The following TENT4B variants were observed in gnomAD, a reference collection of about 807,000 sequenced individuals.
TENT4B encodes the protein PAP associated domain containing 5.
TENT4B carries 10 observed loss-of-function variants against 75.0 expected under a neutral mutation model. The observed-to-expected ratio is 0.13, with a 90% CI of 0.08 to 0.23. The LOEUF is 0.23. Ranked by LOEUF, TENT4B falls within the 10% of genes least tolerant of loss-of-function variation. TENT4B has a pLI of 1.00. For missense variants in TENT4B, 579 were observed against 893.8 expected, an observed-to-expected ratio of 0.65 and a Z score of 4.49; for synonymous variants, 350 against 357.7, an observed-to-expected ratio of 0.98 and a Z score of 0.24.
intron 1 of TENT4B, among the ~76,000 whole-genome samples, chr16:50,173,854 C>T (rs974034317): frequency 4.6e-5 from 7 of 151,866 alleles, no homozygotes; most frequent in South Asian, 2.1e-4. Context: ...CCACCATGCC[C>T]GGCTAGTTTT....
At chr16:50,211,481 A>G (rs536007179) in intron 2 of TENT4B, 35 bp downstream of exon 2, 18 of 1,527,122 alleles carry the variant, frequency 1.2e-5, no homozygotes, top group Non-Finnish European at 1.5e-5. Context: ...TGCTTCGGAC[A>G]GTCCTTGTCC....
Position 50,233,331 on chromosome 16 carries a change from A to G in TENT4B, c.*4003A>G, listed in dbSNP as rs2032351491. 1.0e-6 allele frequency: 1 copy of G among 985,456 alleles called. No homozygotes were observed. The highest frequency in any genetic ancestry group is 1.2e-6 in the Non-Finnish European group (1 of 829,932). 61.0% of individuals were successfully genotyped at this position (985,456 alleles called of 1,614,324 possible). ...TCTTGTCAAAACATTTGTGGGTAGA[A>G]TAAGTGTTAAAGATCAAATTTTAAT... On this transcript the variant is annotated 3_prime_UTR_variant, in exon 12 of 12. Coordinates refer to ENST00000561678, the MANE Select transcript of TENT4B (RefSeq NM_001365324.3).
chr16:50,229,110 C>G (rs755417400), intron 11 of TENT4B, 42 bp from the exon 12 acceptor site: 1 of 1,601,850 alleles, frequency 6.2e-7, no homozygotes, highest in South Asian at 1.1e-5. Flanking sequence ...CTCTGCTTTT[C>G]TGCAATACTG....
Position 50,214,296 on chromosome 16 carries a change from A to G in TENT4B, c.809+29A>G, listed in dbSNP as rs1157151917. The G allele has an allele frequency of 3.3e-6, 5 of 1,533,398 alleles. No individual in the cohort carries two copies. The African/African-American group carries it at 5.5e-5, about 17-fold the overall frequency. The allele number at this position is 1,533,398 out of a possible 1,614,324, so 95.0% of individuals were successfully genotyped here. A position where few individuals can be genotyped will look rare whatever the true frequency, so the allele number is the denominator to read the frequency against. ...AGTACACTCATGAATCTTTCAAAGG[A>G]CTTTTCTTAGAGTGTATTCATTTTG... On this transcript the variant is annotated intron_variant, in intron 3 of 11. Transcript: ENST00000561678.
intron 1 of TENT4B, among the ~76,000 whole-genome samples, chr16:50,179,713 G>A (rs934012310): frequency 1.3e-5 from 2 of 152,178 alleles, no homozygotes; most frequent in African/African-American, 2.4e-5. Context: ...AATAACTTGA[G>A]CCTCAGAGAA....
intron 7 of TENT4B, 80 bp from the exon 8 acceptor site, chr16:50,224,577 T>C (rs945749919): frequency 6.4e-7 from 1 of 1,562,890 alleles, no homozygotes; most frequent in Non-Finnish European, 8.7e-7. Flanking sequence ...TGGCCCTTGC[T>C]CTCCTGGAAG....
rs2037812182 is a variant in TENT4B at position 50,153,421 on chromosome 16, G to A, written c.-201G>A. 6.8e-6 allele frequency among the ~76,000 whole-genome samples: 1 copy of A among 146,542 alleles called. No homozygotes were observed. Among genetic ancestry groups the A allele is most frequent in the South Asian group, 2.1e-4 (1 of 4,800 alleles). The stretch of plus-strand genomic sequence containing the variant: ...GGGGGAGGGCCCGCGGAGCCCCCGA[G>A]GGCGGGAGCGACGCCGCCGGCGCCG... On this transcript the variant is annotated 5_prime_UTR_variant, in exon 1 of 12. Transcript: ENST00000561678.
rs189745684 is a variant in TENT4B at position 50,168,898 on chromosome 16, G to A, written c.638+14639G>A. On this transcript the variant is annotated intron_variant, in intron 1 of 11. Coordinates refer to ENST00000561678, the MANE Select transcript of TENT4B (RefSeq NM_001365324.3). ...TGGCCTCAGGTGGTCCGTCCACTTC[G>A]GCCTCCCAAAGTGCTGGGATTACAG... 1.6e-3 allele frequency among the ~76,000 whole-genome samples: 240 copies of A among 151,988 alleles called. 1 individual carries two copies. The highest frequency in any genetic ancestry group is 7.7e-4 in the East Asian group (4 of 5,162).
rs2032382538 is a variant in TENT4B at position 50,234,257 on chromosome 16, C to G, written c.*4929C>G. The G allele has an allele frequency of 2.0e-6, 2 of 985,326 alleles. No homozygotes were observed. Among genetic ancestry groups the G allele is most frequent in the Non-Finnish European group, 1.2e-6 (1 of 830,000 alleles). The allele number at this position is 985,326 out of a possible 1,614,324, so 61.0% of individuals were successfully genotyped here. A position where few individuals can be genotyped will look rare whatever the true frequency, so the allele number is the denominator to read the frequency against. ...TGGCTTGAGGCTGGGAGTTTGAGAC[C>G]TTCATCTCTTAAAAAAACAAACAAA... On this transcript the variant is annotated 3_prime_UTR_variant, in exon 12 of 12. Coordinates refer to ENST00000561678, the MANE Select transcript of TENT4B (RefSeq NM_001365324.3).
chr16:50,189,788 C>T (rs1488794417), intron 1 of TENT4B, among the ~76,000 whole-genome samples: 2 of 151,776 alleles, frequency 1.3e-5, no homozygotes, highest in Non-Finnish European at 1.5e-5. Context: ...TGGTAGCTCA[C>T]GTAATCCCAG....
At chr16:50,175,730 A>G (rs571422557) in intron 1 of TENT4B, among the ~76,000 whole-genome samples, 1 of 152,186 alleles carries the variant, frequency 6.6e-6, no homozygotes, top group East Asian at 1.9e-4. Flanking sequence ...TCAGCCTCCC[A>G]AAGTGCTGAG....
At chr16:50,214,133 A>C in intron 2 of TENT4B, 88 bp from the exon 3 acceptor site, 1 of 1,075,660 alleles carries the variant, frequency 9.3e-7, no homozygotes. Flanking sequence ...AGGGTAGCAA[A>C]AACTGACATT....
chr16:50,159,666 T>A (rs553431947), intron 1 of TENT4B, among the ~76,000 whole-genome samples: 13 of 152,332 alleles, frequency 8.5e-5, no homozygotes, highest in African/African-American at 2.4e-4. Context: ...AAGTGATTTG[T>A]GCTCTATTTA....
At position 50,231,503 on chromosome 16, in the gene TENT4B, A is replaced by G; in HGVS notation, c.*2175A>G. 4 of 985,812 alleles carry G rather than the reference A, an allele frequency of 4.1e-6. No individual in the cohort carries two copies. Among genetic ancestry groups the G allele is most frequent in the Non-Finnish European group, 4.8e-6 (4 of 829,910 alleles). The allele number at this position is 985,812 out of a possible 1,614,324, so 61.1% of individuals were successfully genotyped here. The stretch of plus-strand genomic sequence containing the variant: ...TTAAAGAATCACCCTCATTGTTGAA[A>G]GTAAATGTACTCTTAGGGTGCGAAT... On this transcript the variant is annotated 3_prime_UTR_variant, in exon 12 of 12. Coordinates refer to ENST00000561678, the MANE Select transcript of TENT4B (RefSeq NM_001365324.3).
intron 1 of TENT4B, among the ~76,000 whole-genome samples, chr16:50,161,728 A>G (rs895156936): frequency 6.6e-6 from 1 of 152,164 alleles, no homozygotes. Context: ...ACCAAGTTTC[A>G]CCTAATGGTA....
intron 1 of TENT4B, among the ~76,000 whole-genome samples, chr16:50,167,927 G>A (rs1019918106): frequency 1.3e-5 from 2 of 152,068 alleles, no homozygotes; most frequent in African/African-American, 4.8e-5. Context: ...CAAGTGCTGG[G>A]ATTACAGGCA....
chr16:50,198,204 C>G (rs1264493919), intron 1 of TENT4B, among the ~76,000 whole-genome samples: 1 of 150,386 alleles, frequency 6.6e-6, no homozygotes, highest in Non-Finnish European at 1.5e-5. Context: ...ATCTCTTGAG[C>G]TCAGGAGTTC....
intron 1 of TENT4B, among the ~76,000 whole-genome samples, chr16:50,174,716 T>G (rs146445972): frequency 7.9e-5 from 12 of 151,250 alleles, no homozygotes; most frequent in African/African-American, 2.2e-4. Flanking sequence ...CCAACCATTC[T>G]TCATCAGCTC....
At chr16:50,210,083 C>T (rs1195554373) in intron 1 of TENT4B, among the ~76,000 whole-genome samples, 1 of 152,148 alleles carries the variant, frequency 6.6e-6, no homozygotes, top group Non-Finnish European at 1.5e-5. Flanking sequence ...TCCCCTAAGG[C>T]ACTTTGCACC....
Sources: allele counts gnomAD v4.1 joint callset (sites outside exome capture counted in the v4.1 genomes callset), GRCh38; gene constraint gnomAD v4.1.1; transcripts MANE v1.5; gene names NCBI Gene and HGNC (gene_info 2026-07-23, HGNC 2026-07-21).